The following RTN2 variants were observed in gnomAD, a reference collection of about 807,000 sequenced individuals.
RTN2 encodes the protein reticulon 2, also known as reticulon-2.
RTN2 carries 36 observed loss-of-function variants against 63.7 expected under a neutral mutation model. The observed-to-expected ratio is 0.56, with a 90% CI of 0.43 to 0.75. RTN2 has a LOEUF of 0.75. Ranked by LOEUF, RTN2 falls within the 30% of genes least tolerant of loss-of-function variation. The pLI is 0.00. For synonymous variants in RTN2, 312 were observed against 313.0 expected (o/e 1.00, Z 0.03); for missense variants, 673 against 705.1 (o/e 0.95, Z 0.52).
At chr19:45,489,191 A>C in intron 6 of RTN2, 155 bp downstream of exon 6, 1 of 887,816 alleles carries the variant, frequency 1.1e-6, no homozygotes, top group South Asian at 1.6e-5. Flanking sequence ...CCAGGTTAGG[A>C]TCAGAGATTA....
Position 45,494,840 on chromosome 19 carries a change from G to C in RTN2, c.245C>G (p.Thr82Ser). Residue 82 changes from threonine (T) to serine (S), a missense_variant, in exon 3 of 11, where the codon ACT becomes AGT. Coordinates refer to ENST00000245923, the MANE Select transcript of RTN2 (RefSeq NM_005619.5). This position sits in a 1 kb window ranked among gnomAD's most constrained non-coding sequence, Gnocchi z 5.3. ...GCCCTGGGGGCGGGGGCGGCGGGCA[G>C]TTGAATCCCTGCGGCCCCCGGAGCC... Reference protein sequence around the residue: ...VVGSGGRRDSTARRPRPQGRS... With the variant: ...VVGSGGRRDSSARRPRPQGRS... 1 of 1,604,220 alleles carries C rather than the reference G, an allele frequency of 6.2e-7. No homozygotes were observed. The highest frequency in any genetic ancestry group is 8.5e-7 in the Non-Finnish European group (1 of 1,179,826).
In RTN2 at chr19:45,494,203, C is replaced by T. The variant is rs1208888120; in HGVS notation, c.777G>A (p.Thr259=). Reference sequence around the variant, plus strand: ...GCTCCACCGTGAATTCTAATTGGTCCGTGCTATCGAGGCACTGTCCCCTTA... The same window carrying T: ...GCTCCACCGTGAATTCTAATTGGTCTGTGCTATCGAGGCACTGTCCCCTTA... ...EPVRGQCLDS[T]DQLEFTVEPR... The change falls in exon 4 of 11, where the codon ACG becomes ACA. Residue 259 remains threonine (T), a synonymous_variant. Coordinates refer to ENST00000245923, the MANE Select transcript of RTN2 (RefSeq NM_005619.5). This position sits in a 1 kb window ranked among gnomAD's most constrained non-coding sequence, Gnocchi z 5.3. 1.9e-6 allele frequency: 3 copies of T among 1,607,008 alleles called. No homozygotes were observed. Among genetic ancestry groups the T allele is most frequent in the South Asian group, 1.1e-5 (1 of 91,082 alleles).
Position 45,494,233 on chromosome 19 carries a change from C to G in RTN2, c.747G>C (p.Glu249Asp). ...EEKQWGPLEREPVRGQCLDST... is the reference protein window; with the variant it reads ...EEKQWGPLERDPVRGQCLDST... The stretch of plus-strand genomic sequence containing the variant: ...TATCGAGGCACTGTCCCCTTACTGG[C>G]TCTCGCTCCAGTGGCCCCCACTGCT... The change falls in exon 4 of 11, where the codon GAG (glutamate) becomes GAC (aspartate). Residue 249 changes from glutamate (E) to aspartate (D), a missense_variant. Coordinates refer to ENST00000245923, the MANE Select transcript of RTN2 (RefSeq NM_005619.5). This position sits in a 1 kb window ranked among gnomAD's most constrained non-coding sequence, Gnocchi z 5.3. 1 of 1,612,278 alleles carries G rather than the reference C, an allele frequency of 6.2e-7. No homozygotes were observed. Among genetic ancestry groups the G allele is most frequent in the Non-Finnish European group, 8.5e-7 (1 of 1,180,012 alleles).
chr19:45,486,241 G>T (rs1021680677), intron 9 of RTN2, 128 bp from the exon 10 acceptor site: 1 of 733,570 alleles, frequency 1.4e-6, no homozygotes, highest in Admixed American at 2.2e-5. Flanking sequence ...CGCCACCCCC[G>T]GCTCTAAACT....
Position 45,485,694 on chromosome 19 carries a change from C to T in RTN2, c.*14G>A, listed in dbSNP as rs1555797170. 2 of 1,610,992 alleles carry T rather than the reference C, an allele frequency of 1.2e-6. No individual in the cohort carries two copies. The highest frequency in any genetic ancestry group is 3.3e-5 in the Admixed American group (2 of 60,008). On this transcript the variant is annotated 3_prime_UTR_variant, in exon 11 of 11. Coordinates refer to ENST00000245923, the MANE Select transcript of RTN2 (RefSeq NM_005619.5). ...GGGCTGGGGGCAGGCGTCCTGCGGGCAGAGACACCGTTCTCATTCGGCTTT... is the reference window on the plus strand; with the variant it reads ...GGGCTGGGGGCAGGCGTCCTGCGGGTAGAGACACCGTTCTCATTCGGCTTT...
intron 5 of RTN2, among the ~76,000 whole-genome samples, chr19:45,489,791 A>G (rs908262063): frequency 7.0e-6 from 1 of 142,796 alleles, no homozygotes; most frequent in African/African-American, 2.6e-5. Flanking sequence ...TGATCCTCCC[A>G]CGTCAGCCTC....
intron 10 of RTN2, 80 bp from the exon 11 acceptor site, chr19:45,485,869 T>C (rs1599903627): frequency 2.0e-5 from 26 of 1,316,386 alleles, no homozygotes; most frequent in Non-Finnish European, 2.8e-5. Flanking sequence ...GAAAGCTGGG[T>C]GGGAAACTGA....
At position 45,493,254 on chromosome 19, in the gene RTN2, A is replaced by T; in HGVS notation, c.939T>A (p.Pro313=). The change falls in exon 5 of 11, where the codon CCT becomes CCA. Residue 313 remains proline (P), a synonymous_variant. Transcript: ENST00000245923. ...TCAGTAGAACCCGGAGGACAGGAGT[A>T]GGGGGGGTGGGGCCCCTTTGGACCC... is the stretch of plus-strand genomic sequence containing the variant. ...IGWVQRGPTP[P]TPVLRVLLKW... 1 of 1,613,324 alleles carries T rather than the reference A, an allele frequency of 6.2e-7. No homozygotes were observed. The highest frequency in any genetic ancestry group is 1.1e-5 in the South Asian group (1 of 91,008).
Position 45,496,856 on chromosome 19 carries a change from G to C in RTN2, c.-31C>G. On this transcript the variant is annotated 5_prime_UTR_variant, in exon 1 of 11. Coordinates refer to ENST00000245923, the MANE Select transcript of RTN2 (RefSeq NM_005619.5). The stretch of plus-strand genomic sequence containing the variant: ...CCCTCGGGCCTGCATCGGGACCCCC[G>C]CCCACTCCGGCTGTGCCGCCCTGGG... 7.0e-7 allele frequency: 1 copy of C among 1,420,802 alleles called. No homozygotes were observed. Among genetic ancestry groups the C allele is most frequent in the Non-Finnish European group, 9.4e-7 (1 of 1,067,644 alleles). The allele number at this position is 1,420,802 out of a possible 1,614,324, so 88.0% of individuals were successfully genotyped here.
chr19:45,486,035 C>T lies in RTN2; in HGVS notation c.1556+20G>A, dbSNP rs749210111. The T allele has an allele frequency of 2.5e-5, 40 of 1,612,898 alleles. No homozygotes were observed. The highest frequency in any genetic ancestry group is 3.3e-5 in the Non-Finnish European group (39 of 1,179,018). ...CTCCCCCACTTCCCCCTCCCATCGACCTCCGCCCCATGCTCTTACTTAGCT... is the reference window on the plus strand; with the variant it reads ...CTCCCCCACTTCCCCCTCCCATCGATCTCCGCCCCATGCTCTTACTTAGCT... On this transcript the variant is annotated intron_variant, in intron 10 of 10. Coordinates refer to ENST00000245923, the MANE Select transcript of RTN2 (RefSeq NM_005619.5).
At chr19:45,493,549 C>T (rs374890243) in intron 4 of RTN2, among the ~76,000 whole-genome samples, 171 bp from the exon 5 acceptor site, 7 of 152,140 alleles carry the variant, frequency 4.6e-5, no homozygotes, top group African/African-American at 1.7e-4. Context: ...CCGCCTCGGC[C>T]TCCCAAAGTG....
chr19:45,486,293 C>G (rs1040501385), intron 9 of RTN2, among the ~76,000 whole-genome samples, 180 bp from the exon 10 acceptor site: 1 of 152,144 alleles, frequency 6.6e-6, no homozygotes, highest in African/African-American at 2.4e-5. Context: ...GTTATAGGGT[C>G]AGTGAGTTGG....
intron 9 of RTN2, among the ~76,000 whole-genome samples, chr19:45,486,954 C>T (rs572739721): frequency 4.9e-5 from 7 of 142,404 alleles, no homozygotes; most frequent in East Asian, 2.1e-4. Context: ...AGGCTGGTCT[C>T]GAACTCCTGA....
Position 45,485,663 on chromosome 19 carries a change from C to CT in RTN2, c.*44dup, listed in dbSNP as rs774608454. 6.7e-7 allele frequency: 1 copy of CT among 1,500,456 alleles called. No homozygotes were observed. The highest frequency in any genetic ancestry group is 9.2e-7 in the Non-Finnish European group (1 of 1,081,316). 92.9% of individuals were successfully genotyped at this position (1,500,456 alleles called of 1,614,324 possible). A position where few individuals can be genotyped will look rare whatever the true frequency, so the allele number is the denominator to read the frequency against. The stretch of plus-strand genomic sequence containing the variant: ...ACAAGAGATGGAGGGGGCCAGAGGG[C>CT]TGCGGGGGCTGGGGGCAGGCGTCCT... On this transcript the variant is annotated 3_prime_UTR_variant, in exon 11 of 11. Transcript: ENST00000245923.
chr19:45,489,227 G>A (rs537374679), intron 6 of RTN2, 119 bp downstream of exon 6: 15 of 1,002,032 alleles, frequency 1.5e-5, no homozygotes, highest in South Asian at 1.4e-4. Flanking sequence ...TTAGGGGATC[G>A]GGATGAAAAA....
In RTN2 at chr19:45,494,598, T is replaced by C; in HGVS notation, c.487A>G (p.Ser163Gly). 1 of 1,614,058 alleles carries C rather than the reference T, an allele frequency of 6.2e-7. No individual in the cohort carries two copies. Among genetic ancestry groups the C allele is most frequent in the Admixed American group, 1.7e-5 (1 of 60,022 alleles). ...GTGSGEDSST[S>G]SSTPLEDEEP... is the part of the protein sequence containing the mutation. The stretch of plus-strand genomic sequence containing the variant: ...TCGTCTTCCAGCGGGGTGGAGCTGC[T>C]GGTGGAAGAGTCCTCCCCGGATCCC... Residue 163 changes from serine to glycine, a missense_variant, in exon 3 of 11, where the codon AGC becomes GGC. Coordinates refer to ENST00000245923, the MANE Select transcript of RTN2 (RefSeq NM_005619.5). The surrounding 1 kb of genome is among the most constrained non-coding windows in gnomAD (Gnocchi z 5.3).
rs907709997 is a variant in RTN2 at position 45,494,705 on chromosome 19, G to C, written c.380C>G (p.Pro127Arg). Reference sequence around the variant, plus strand: ...GCGCTCGGATGGAGGCGCGGTGTCAGGATCACCCCGTCGTCCAGGCTCCGG... The same window carrying C: ...GCGCTCGGATGGAGGCGCGGTGTCACGATCACCCCGTCGTCCAGGCTCCGG... ...QSPEPGRRGD[P>R]DTAPPSERPL... Residue 127 changes from proline (P) to arginine (R), a missense_variant, in exon 3 of 11, where the codon CCT becomes CGT. By Grantham distance (103) the Pro-to-Arg change is moderately radical. Transcript: ENST00000245923. The surrounding 1 kb of genome is among the most constrained non-coding windows in gnomAD (Gnocchi z 5.3). 6.8e-6 allele frequency: 11 copies of C among 1,613,232 alleles called. No homozygotes were observed. The highest frequency in any genetic ancestry group is 9.3e-6 in the Non-Finnish European group (11 of 1,179,982).
rs1253268684 is a variant in RTN2 at position 45,489,367 on chromosome 19, C to T, written c.1220G>A (p.Gly407Glu). 2.5e-6 allele frequency: 4 copies of T among 1,572,066 alleles called. No homozygotes were observed. The highest frequency in any genetic ancestry group is 1.7e-4 in the Middle Eastern group (1 of 5,764). Residue 407 changes from glycine (G) to glutamate (E), a missense_variant, in exon 6 of 11, where the codon GGG becomes GAG. By Grantham distance (98) the Gly-to-Glu change is moderately conservative. Coordinates refer to ENST00000245923, the MANE Select transcript of RTN2 (RefSeq NM_005619.5). ...YRKVLQAVHR[G>E]DGANPFQAYL... ...TCACTGGAAAGGGTTGGCTCCATCC[C>T]CCCGGTGCACGGCCTGCAGCACTTT... is the stretch of plus-strand genomic sequence containing the variant.
At position 45,496,972 on chromosome 19, in the gene RTN2, G is replaced by A; in HGVS notation, c.-147C>T. ...CTCCCGGGCTGCTCCAGCCGCCGCC[G>A]CCGCCGCCGCCGCCGCCGCCGCCCT... On this transcript the variant is annotated 5_prime_UTR_variant, in exon 1 of 11. Coordinates refer to ENST00000245923, the MANE Select transcript of RTN2 (RefSeq NM_005619.5). 1 of 295,584 alleles carries A rather than the reference G, an allele frequency of 3.4e-6. No individual in the cohort carries two copies. Among genetic ancestry groups the A allele is most frequent in the Non-Finnish European group, 5.7e-6 (1 of 174,314 alleles). The allele number at this position is 295,584 out of a possible 1,614,324, so 18.3% of individuals were successfully genotyped here.
Sources: gnomAD v4.1 joint callset for allele counts (sites outside exome capture counted in the v4.1 genomes callset) on GRCh38, gnomAD v4.1.1 for gene constraint, Gnocchi (gnomAD v3.1) non-coding constraint, MANE v1.5 for transcripts, NCBI Gene and HGNC (gene_info 2026-07-23, HGNC 2026-07-21) for gene names.